Variants in FSTL5 observed in about 807,000 individuals in gnomAD.
FSTL5 encodes the protein follistatin-related protein 5.
In FSTL5, 62 loss-of-function variants were observed where a neutral mutation model predicts 89.1. The ratio of observed to expected loss-of-function variants is 0.70; its 90% CI spans 0.57 to 0.86. The LOEUF (loss-of-function observed/expected upper bound fraction) is 0.86, where lower values mean the gene tolerates loss of function less well. Among genes scored for constraint, FSTL5 ranks in the 40% least tolerant of loss-of-function variants. The probability of loss-of-function intolerance (pLI) is 0.00; values close to 1 mark genes in which losing one functional copy is unlikely to be tolerated. For missense variants in FSTL5, 1,057 were observed against 1,001.6 expected, an observed-to-expected ratio of 1.06 and a Z score of -0.75; for synonymous variants, 383 against 346.2, an observed-to-expected ratio of 1.11 and a Z score of -1.18.
chr4:162,160,739 TTTTA>T (rs1733662735), intron 1 of FSTL5, among the ~76,000 whole-genome samples: 1 of 150,926 alleles, frequency 6.6e-6, no homozygotes, highest in African/African-American at 2.5e-5. Context: ...TAAAAGGTAT[TTTTA>T]TTTTTTTCAA....
Position 161,384,097 on chromosome 4 carries a change from G to T in FSTL5, c.*1650C>A, listed in dbSNP as rs942660454. ...GATTCAATAAGTAGAAACATAAGCT[G>T]ATTTTTGTTGTTTATTAAATCTACC... On this transcript the variant is annotated 3_prime_UTR_variant, in exon 16 of 16. Transcript: ENST00000306100. The T allele has an allele frequency of 6.6e-6, 1 of 152,100 alleles. No homozygotes were observed. Among genetic ancestry groups the T allele is most frequent in the African/African-American group, 2.4e-5 (1 of 41,438 alleles). 9.4% of individuals were successfully genotyped at this position (152,100 alleles called of 1,614,324 possible).
At chr4:161,566,091 T>TC (rs1732792002) in intron 8 of FSTL5, among the ~76,000 whole-genome samples, 1 of 124,986 alleles carries the variant, frequency 8.0e-6, no homozygotes, top group African/African-American at 3.1e-5. Flanking sequence ...TTTTTTCTTT[T>TC]TTTTTGGACT....
intron 6 of FSTL5, among the ~76,000 whole-genome samples, chr4:161,741,681 ATTTT>A (rs367947098): frequency 3.8e-5 from 4 of 104,672 alleles, no homozygotes; most frequent in East Asian, 2.9e-4. Context: ...GAGAAGTATG[ATTTT>A]TTTTTTTTTT....
At chr4:161,811,945 T>C (rs1000889522) in intron 4 of FSTL5, among the ~76,000 whole-genome samples, 8 of 152,086 alleles carry the variant, frequency 5.3e-5, no homozygotes, top group African/African-American at 1.9e-4. Context: ...CTTTTACTAC[T>C]ACTCAAAAAA....
intron 6 of FSTL5, among the ~76,000 whole-genome samples, chr4:161,658,449 A>T (rs1229188368): frequency 6.6e-6 from 1 of 151,658 alleles, no homozygotes; most frequent in Non-Finnish European, 1.5e-5. Context: ...TCGCAGTGAG[A>T]ATCCGTCTCA....
intron 4 of FSTL5, among the ~76,000 whole-genome samples, chr4:161,898,958 G>A (rs576818578): frequency 6.1e-4 from 92 of 151,998 alleles, no homozygotes; most frequent in Non-Finnish European, 1.2e-3. Flanking sequence ...TTAGTGAGAT[G>A]CTCATCACTC....
At chr4:161,617,674 A>G (rs1454038349) in intron 7 of FSTL5, among the ~76,000 whole-genome samples, 4 of 152,238 alleles carry the variant, frequency 2.6e-5, no homozygotes, top group Admixed American at 2.6e-4. Context: ...GAGATTGACC[A>G]CCACATTCCC....
intron 6 of FSTL5, among the ~76,000 whole-genome samples, chr4:161,664,313 T>G (rs1391593963): frequency 6.6e-6 from 1 of 152,224 alleles, no homozygotes; most frequent in Non-Finnish European, 1.5e-5. Context: ...GTTTCCCTTT[T>G]AAAATGGAAT....
chr4:161,665,764 C>T (rs1360677105), intron 6 of FSTL5, among the ~76,000 whole-genome samples: 2 of 151,458 alleles, frequency 1.3e-5, no homozygotes, highest in Non-Finnish European at 2.9e-5. Context: ...AACATGCATG[C>T]CTAGGAAACT....
At chr4:161,585,398 C>T (rs772710221) in intron 8 of FSTL5, among the ~76,000 whole-genome samples, 17 of 152,058 alleles carry the variant, frequency 1.1e-4, no homozygotes, top group African/African-American at 3.1e-4. Flanking sequence ...CTGGTGAAGT[C>T]CAGGGTTCTG....
At chr4:161,533,177 A>G (rs1731483616) in intron 10 of FSTL5, among the ~76,000 whole-genome samples, 1 of 151,932 alleles carries the variant, frequency 6.6e-6, no homozygotes, top group Admixed American at 6.6e-5. Context: ...GGAAAAAAAA[A>G]AAAAAGGCAA....
intron 2 of FSTL5, among the ~76,000 whole-genome samples, chr4:162,085,602 A>C (rs763193753): frequency 3.3e-5 from 5 of 152,136 alleles, no homozygotes; most frequent in Admixed American, 6.6e-5. Context: ...TGGTGCACAC[A>C]TATCTAATCA....
chr4:161,405,756 T>C (rs961239045), intron 15 of FSTL5, among the ~76,000 whole-genome samples: 2 of 152,114 alleles, frequency 1.3e-5, no homozygotes, highest in African/African-American at 4.8e-5. Flanking sequence ...ATAACCAAAC[T>C]GTTAAAGACA....
intron 3 of FSTL5, among the ~76,000 whole-genome samples, chr4:162,008,421 TA>T (rs1428916598): frequency 6.6e-6 from 1 of 151,910 alleles, no homozygotes; most frequent in Non-Finnish European, 1.5e-5. Context: ...TAGGCCCATC[TA>T]ATGTTGATAA....
At chr4:161,714,716 A>AT (rs929186926) in intron 6 of FSTL5, among the ~76,000 whole-genome samples, 9 of 152,082 alleles carry the variant, frequency 5.9e-5, no homozygotes, top group Non-Finnish European at 7.4e-5. Context: ...ATTTTAAAGG[A>AT]TTTTTTTACA....
chr4:161,917,360 T>C (rs1733869667), intron 4 of FSTL5, among the ~76,000 whole-genome samples: 2 of 152,338 alleles, frequency 1.3e-5, no homozygotes, highest in South Asian at 4.1e-4. Flanking sequence ...TTGCTTTCTT[T>C]AAAAGCTTTT....
At chr4:161,463,505 G>A (rs1733649075) in intron 13 of FSTL5, among the ~76,000 whole-genome samples, 1 of 151,970 alleles carries the variant, frequency 6.6e-6, no homozygotes, top group Admixed American at 6.6e-5. Flanking sequence ...CTATCTTCAG[G>A]ATAATACTTC....
At chr4:161,679,513 A>G (rs114647818) in intron 6 of FSTL5, among the ~76,000 whole-genome samples, 1,977 of 151,964 alleles carry the variant, frequency 0.013, 48 homozygotes, top group African/African-American at 0.045. Flanking sequence ...CCGCATGAAC[A>G]TGTGCTAGTT....
At chr4:161,641,332 C>T (rs901744110) in intron 7 of FSTL5, among the ~76,000 whole-genome samples, 29 of 152,114 alleles carry the variant, frequency 1.9e-4, no homozygotes, top group East Asian at 5.8e-4. Flanking sequence ...ATATAACTTA[C>T]GGAAACTACT....
Sources: gnomAD v4.1 joint callset for allele counts (sites outside exome capture counted in the v4.1 genomes callset) on GRCh38, gnomAD v4.1.1 for gene constraint, MANE v1.5 for transcripts, NCBI Gene and HGNC (gene_info 2026-07-23, HGNC 2026-07-21) for gene names.